EIF4E3: variants seen among roughly 807,000 people sequenced by gnomAD.
EIF4E3 encodes the protein eukaryotic translation initiation factor 4E type 3.
EIF4E3 carries 26 observed loss-of-function variants against 31.7 expected under a neutral mutation model. The ratio of observed to expected loss-of-function variants is 0.82; its 90% CI spans 0.60 to 1.14. EIF4E3 has a LOEUF of 1.14. Ranked by LOEUF, EIF4E3 falls within the 50% of genes most tolerant of loss-of-function variation. EIF4E3 has a pLI of 0.00. For missense variants in EIF4E3, 304 were observed against 270.9 expected (o/e 1.12, Z -0.86); for synonymous variants, 128 against 107.7 (o/e 1.19, Z -1.17).
intron 6 of EIF4E3, among the ~76,000 whole-genome samples, chr3:71,689,019 G>A (rs1264745628): frequency 6.6e-6 from 1 of 152,100 alleles, no homozygotes; most frequent in Non-Finnish European, 1.5e-5. Context: ...TTTTGGCAAA[G>A]AGTTGGAAAA....
intron 1 of EIF4E3, among the ~76,000 whole-genome samples, chr3:71,742,474 G>C (rs1578390004): frequency 6.6e-6 from 1 of 151,966 alleles, no homozygotes; most frequent in Admixed American, 6.6e-5. Context: ...ATCTATAAAA[G>C]AAATGAAATA....
At chr3:71,708,870 T>C (rs1390550143) in intron 2 of EIF4E3, among the ~76,000 whole-genome samples, 1 of 152,188 alleles carries the variant, frequency 6.6e-6, no homozygotes, top group Non-Finnish European at 1.5e-5. Flanking sequence ...CTTGAGGTGC[T>C]GTCTGTACTT....
At position 71,725,395 on chromosome 3, in the gene EIF4E3, G is replaced by A. The variant is rs1395329365; in HGVS notation, c.-28C>T. ...TCTCCGCCCCGCCTGCAAGGCCGGC[G>A]GACGCGCGGACCGCGGGGCGAGCGC... On this transcript the variant is annotated 5_prime_UTR_variant, in exon 1 of 7. Transcript: ENST00000425534. This position sits in a 1 kb window ranked among gnomAD's most constrained non-coding sequence, Gnocchi z 6.1. 1 of 977,914 alleles carries A rather than the reference G, an allele frequency of 1.0e-6. No homozygotes were observed. Among genetic ancestry groups the A allele is most frequent in the Non-Finnish European group, 1.2e-6 (1 of 826,346 alleles). The allele number at this position is 977,914 out of a possible 1,614,324, so 60.6% of individuals were successfully genotyped here.
intron 4 of EIF4E3, among the ~76,000 whole-genome samples, chr3:71,695,183 G>T (rs775523845): frequency 6.6e-6 from 1 of 152,146 alleles, no homozygotes; most frequent in African/African-American, 2.4e-5. Flanking sequence ...TACTGATGAA[G>T]TTGAGAGCTG....
In EIF4E3 at chr3:71,720,460, A is replaced by G. The variant is rs114109060; in HGVS notation, c.176+4732T>C. The stretch of plus-strand genomic sequence containing the variant: ...TCCTCCCTCCTCAGCCTCCTAAAGT[A>G]CTGTGATTGCACGGATGAACCACCA... On this transcript the variant is annotated intron_variant, in intron 1 of 6. Transcript: ENST00000425534. 4.0e-3 allele frequency among the ~76,000 whole-genome samples: 603 copies of G among 152,130 alleles called. 6 individuals carry two copies. The highest frequency in any genetic ancestry group is 0.014 in the African/African-American group (582 of 41,486).
intron 1 of EIF4E3, among the ~76,000 whole-genome samples, chr3:71,752,740 G>C (rs2049944554): frequency 6.6e-6 from 1 of 152,186 alleles, no homozygotes; most frequent in Non-Finnish European, 1.5e-5. Context: ...AATTATAAGT[G>C]CTAAGAAGGA....
chr3:71,740,161 T>A (rs937734535), intron 1 of EIF4E3, among the ~76,000 whole-genome samples: 1 of 151,554 alleles, frequency 6.6e-6, no homozygotes, highest in Non-Finnish European at 1.5e-5. Context: ...AAAGAAAGCA[T>A]AAAAATAGGA....
downstream of EIF4E3, among the ~76,000 whole-genome samples, chr3:71,673,833 T>C (rs1014017157): frequency 6.6e-6 from 1 of 150,896 alleles, no homozygotes. Context: ...ATATTGTATA[T>C]GGTCTATATC....
intron 1 of EIF4E3, among the ~76,000 whole-genome samples, chr3:71,749,892 G>A (rs988294871): frequency 5.9e-5 from 9 of 152,140 alleles, no homozygotes; most frequent in Admixed American, 2.0e-4. Context: ...AGGAAAATAC[G>A]TTGATCCTGG....
chr3:71,741,612 G>C (rs1353821745), intron 1 of EIF4E3, among the ~76,000 whole-genome samples: 1 of 152,194 alleles, frequency 6.6e-6, no homozygotes, highest in Non-Finnish European at 1.5e-5. Flanking sequence ...GCTAGAACAA[G>C]TAGACAGAAA....
chr3:71,727,736 C>A (rs139522219), upstream of EIF4E3, among the ~76,000 whole-genome samples: 12 of 152,302 alleles, frequency 7.9e-5, no homozygotes, highest in African/African-American at 2.9e-4. Flanking sequence ...TGACACATAT[C>A]TGTATAAAAT....
intron 1 of EIF4E3, among the ~76,000 whole-genome samples, chr3:71,714,332 G>GAA (rs533955838): frequency 1.6e-3 from 240 of 151,936 alleles, no homozygotes; most frequent in African/African-American, 5.7e-3. Flanking sequence ...AAGAAAGAAA[G>GAA]AAAGAGAAAA....
chr3:71,666,380 C>G, the EIF4E3 span, among the ~76,000 whole-genome samples: 2 of 152,126 alleles, frequency 1.3e-5, no homozygotes, highest in African/African-American at 2.4e-5. Context: ...ATACCCCTCC[C>G]AAGACTAAAT....
intron 1 of EIF4E3, among the ~76,000 whole-genome samples, chr3:71,714,242 A>AAGGAAGGAAGG (rs1559602441): frequency 7.6e-6 from 1 of 131,936 alleles, no homozygotes; most frequent in African/African-American, 3.1e-5. Context: ...GGGAAGAAGG[A>AAGGAAGGAAGG]AAGGAAGGAA....
In EIF4E3 at chr3:71,679,207, C is replaced by A. The variant is rs1265646231; in HGVS notation, c.*5475G>T. 1.3e-5 allele frequency: 2 copies of A among 152,142 alleles called. No individual in the cohort carries two copies. The highest frequency in any genetic ancestry group is 2.9e-5 in the Non-Finnish European group (2 of 68,018). The allele number at this position is 152,142 out of a possible 1,614,324, so 9.4% of individuals were successfully genotyped here. A position where few individuals can be genotyped will look rare whatever the true frequency, so the allele number is the denominator to read the frequency against. ...AATTAAAATTTTCACCCTAAGCCTTCATTAAAAGTTGCTTATTTGTATGTG... is the reference window on the plus strand; with the variant it reads ...AATTAAAATTTTCACCCTAAGCCTTAATTAAAAGTTGCTTATTTGTATGTG... On this transcript the variant is annotated 3_prime_UTR_variant, in exon 7 of 7. Coordinates refer to ENST00000425534, the MANE Select transcript of EIF4E3 (RefSeq NM_001134651.2).
the EIF4E3 span, among the ~76,000 whole-genome samples, chr3:71,669,642 C>T: frequency 6.6e-6 from 1 of 151,720 alleles, no homozygotes; most frequent in Non-Finnish European, 1.5e-5. Flanking sequence ...GAAATCTTCC[C>T]AGACTCTGGT....
At chr3:71,754,103 G>T (rs1164156458), upstream of EIF4E3, 1 of 1,393,354 alleles carries the variant, frequency 7.2e-7, no homozygotes, top group African/African-American at 1.5e-5. This position sits in a 1 kb window ranked among gnomAD's most constrained non-coding sequence, Gnocchi z 5.8. Context: ...CGGCCGCCCT[G>T]GGCCTCAAGC....
intron 1 of EIF4E3, among the ~76,000 whole-genome samples, chr3:71,748,738 T>C (rs1212976589): frequency 6.6e-6 from 1 of 152,070 alleles, no homozygotes; most frequent in African/African-American, 2.4e-5. Flanking sequence ...TGAATGACCA[T>C]ATACTAGGCA....
chr3:71,674,090 C>CT (rs71277509), downstream of EIF4E3, among the ~76,000 whole-genome samples: 997 of 25,028 alleles, frequency 0.04, 403 homozygotes, highest in Non-Finnish European at 0.072. Context: ...ATCAACTGTA[C>CT]TTTTTTTTTT....
Sources: allele counts gnomAD v4.1 joint callset (sites outside exome capture counted in the v4.1 genomes callset), GRCh38; gene constraint gnomAD v4.1.1; non-coding constraint Gnocchi (gnomAD v3.1); transcripts MANE v1.5; gene names NCBI Gene and HGNC (gene_info 2026-07-23, HGNC 2026-07-21).